Variants in LIFR observed in about 807,000 individuals in gnomAD.
LIFR encodes the protein LIF receptor subunit alpha.
In LIFR, 84 loss-of-function variants were observed where a neutral mutation model predicts 122.2. The ratio of observed to expected loss-of-function variants is 0.69; its 90% CI spans 0.58 to 0.82. The LOEUF is 0.82. Ranked by LOEUF, LIFR falls within the 40% of genes least tolerant of loss-of-function variation. The pLI, the probability that LIFR is intolerant of heterozygous loss-of-function variation, is 0.00. For synonymous variants in LIFR, 422 were observed against 434.7 expected (o/e 0.97, Z 0.36); for missense variants, 1,294 against 1,311.6 (o/e 0.99, Z 0.21).
At chr5:38,607,849 T>G (rs1424967158) in intron 1 of LIFR, 3 of 152,220 alleles carry the variant, frequency 2.0e-5, no homozygotes, top group Non-Finnish European at 4.4e-5. Context: ...TGTAGGAGTA[T>G]AGTTAACAGG....
At position 38,550,100 on chromosome 5, in the gene LIFR, G is replaced by A. The variant is rs191791292; in HGVS notation, c.-20+6234C>T. 5.4e-3 allele frequency: 890 copies of A among 165,928 alleles called. 11 individuals carry two copies. Among genetic ancestry groups the A allele is most frequent in the African/African-American group, 0.02 (839 of 41,738 alleles). The allele number at this position is 165,928 out of a possible 1,614,324, so 10.3% of individuals were successfully genotyped here. Reference sequence around the variant, plus strand: ...CGGTGAACATGCCTGACTAAGGGACGGGGCACATTTTTGAGGCTTCTGATG... The same window carrying A: ...CGGTGAACATGCCTGACTAAGGGACAGGGCACATTTTTGAGGCTTCTGATG... On this transcript the variant is annotated intron_variant, in intron 1 of 19. Transcript: ENST00000453190.
intron 5 of LIFR, among the ~76,000 whole-genome samples, chr5:38,513,762 C>T (rs988261338): frequency 1.3e-5 from 2 of 152,086 alleles, no homozygotes; most frequent in Non-Finnish European, 2.9e-5. Context: ...AGAGGGAAGG[C>T]CCCCATCAAC....
At chr5:38,586,426 G>A (rs967168517) in intron 1 of LIFR, among the ~76,000 whole-genome samples, 3 of 152,080 alleles carry the variant, frequency 2.0e-5, no homozygotes, top group African/African-American at 7.2e-5. Flanking sequence ...ACATAACATG[G>A]TCCTCATTAT....
chr5:38,541,833 A>G (rs1402671551), intron 1 of LIFR, among the ~76,000 whole-genome samples: 1 of 152,274 alleles, frequency 6.6e-6, no homozygotes, highest in African/African-American at 2.4e-5. Flanking sequence ...GTTGATAACA[A>G]TAACACACAG....
intron 13 of LIFR, among the ~76,000 whole-genome samples, chr5:38,495,459 T>C (rs947349831): frequency 6.6e-6 from 1 of 152,238 alleles, no homozygotes; most frequent in Non-Finnish European, 1.5e-5. Flanking sequence ...CACTGCTGCC[T>C]GGGGTTTGTA....
At chr5:38,517,585 C>A (rs13156794) in intron 5 of LIFR, among the ~76,000 whole-genome samples, 46,454 of 151,560 alleles carry the variant, frequency 0.31, 7,412 homozygotes, top group East Asian at 0.42. Flanking sequence ...AGGCTGGGCG[C>A]GGTGGCTCAT....
chr5:38,506,052 G>A lies in LIFR; in HGVS notation c.1144C>T (p.Leu382Phe). The A allele has an allele frequency of 1.9e-6, 3 of 1,598,566 alleles. No individual in the cohort carries two copies. The highest frequency in any genetic ancestry group is 2.6e-6 in the Non-Finnish European group (3 of 1,170,006). Residue 382 changes from leucine (L) to phenylalanine (F), a missense_variant, in exon 9 of 20, where the codon CTT becomes TTT. By Grantham distance (22) the Leu-to-Phe change is conservative. Coordinates refer to ENST00000453190, the MANE Select transcript of LIFR (RefSeq NM_001127671.2). ...VESFSGKYVR[L>F]KRAEAPTNES... ...TTTGTAGGTGCTTCAGCTCTTTTAA[G>A]TCTAACATATTTTCCTGAAAAACTG...
chr5:38,480,400 T>C lies in LIFR; in HGVS notation c.*1195A>G. ...AATTGCTGCACCTGCAACACAGGTA[T>C]GCCCATGGATTCAGATCAGTTTATG... On this transcript the variant is annotated 3_prime_UTR_variant, in exon 20 of 20. Transcript: ENST00000453190. The C allele has an allele frequency of 8.9e-6, 2 of 224,810 alleles. No homozygotes were observed. Among genetic ancestry groups the C allele is most frequent in the Non-Finnish European group, 8.9e-6 (1 of 112,748 alleles). The allele number at this position is 224,810 out of a possible 1,614,324, so 13.9% of individuals were successfully genotyped here.
intron 7 of LIFR, among the ~76,000 whole-genome samples, chr5:38,508,965 T>G (rs989340447): frequency 6.6e-6 from 1 of 152,208 alleles, no homozygotes; most frequent in African/African-American, 2.4e-5. Context: ...TCCTGATACC[T>G]AACTCACGAA....
At chr5:38,559,074 G>A (rs1748732392), upstream of LIFR, 1 of 152,218 alleles carries the variant, frequency 6.6e-6, no homozygotes, top group African/African-American at 2.4e-5. Context: ...GTATCGCCAA[G>A]GCTCCTGCCA....
chr5:38,558,494 G>T (rs759041908), upstream of LIFR: 1 of 152,122 alleles, frequency 6.6e-6, no homozygotes, highest in African/African-American at 2.4e-5. Flanking sequence ...TCACACTTAG[G>T]GGGTAATGCA....
At chr5:38,539,376 C>T (rs988146296) in intron 1 of LIFR, among the ~76,000 whole-genome samples, 6 of 152,136 alleles carry the variant, frequency 3.9e-5, no homozygotes, top group African/African-American at 1.2e-4. Flanking sequence ...AAATCATTCT[C>T]TCCCTTCCTT....
chr5:38,532,454 C>G (rs1285305271), intron 1 of LIFR, among the ~76,000 whole-genome samples: 1 of 152,196 alleles, frequency 6.6e-6, no homozygotes, highest in Non-Finnish European at 1.5e-5. Context: ...TCCATTCCTG[C>G]TGGCAGGGAA....
At chr5:38,484,660 T>C in intron 18 of LIFR, 115 bp downstream of exon 18, 1 of 719,526 alleles carries the variant, frequency 1.4e-6, no homozygotes, top group Admixed American at 2.3e-5. Flanking sequence ...AAACATTTTT[T>C]AACTAACTTA....
chr5:38,573,605 T>C (rs1749286193), intron 1 of LIFR, among the ~76,000 whole-genome samples: 1 of 152,220 alleles, frequency 6.6e-6, no homozygotes. Context: ...AGTTACTGTT[T>C]ATGCATTCAT....
intron 1 of LIFR, chr5:38,550,272 A>T (rs1748130988): frequency 1.0e-6 from 1 of 958,104 alleles, no homozygotes; most frequent in Non-Finnish European, 1.2e-6. Context: ...TTTTTAAAAT[A>T]GCTGAGCTAT....
intron 10 of LIFR, 63 bp from the exon 11 acceptor site, chr5:38,502,862 TAC>T: frequency 1.2e-6 from 1 of 830,782 alleles, no homozygotes. Flanking sequence ...CATATATATA[TAC>T]ATACACATAC....
At chr5:38,602,263 C>A (rs1750236406) in intron 2 of LIFR, among the ~76,000 whole-genome samples, 1 of 152,204 alleles carries the variant, frequency 6.6e-6, no homozygotes, top group Non-Finnish European at 1.5e-5. Flanking sequence ...AGACACAATT[C>A]TTGACATATA....
At chr5:38,508,805 C>T (rs1254399547) in intron 7 of LIFR, among the ~76,000 whole-genome samples, 4 of 152,030 alleles carry the variant, frequency 2.6e-5, no homozygotes, top group South Asian at 4.2e-4. Context: ...AGGATGGTCT[C>T]GATCTCCTGA....
Sources: allele counts gnomAD v4.1 joint callset (sites outside exome capture counted in the v4.1 genomes callset), GRCh38; gene constraint gnomAD v4.1.1; transcripts MANE v1.5; gene names NCBI Gene and HGNC (gene_info 2026-07-23, HGNC 2026-07-21).